TBC1D12: variants seen among roughly 807,000 people sequenced by gnomAD.
TBC1D12 encodes the protein TBC1 domain family, member 12.
Under a neutral mutation model 86.7 loss-of-function variants are expected in TBC1D12, and 56 were observed. The observed-to-expected ratio is 0.65, with a 90% CI of 0.52 to 0.81. The LOEUF is 0.81. Among genes scored for constraint, TBC1D12 ranks in the 30% least tolerant of loss-of-function variants. The probability of loss-of-function intolerance (pLI) is 0.00; values close to 1 mark genes in which losing one functional copy is unlikely to be tolerated. For synonymous variants in TBC1D12, 421 were observed against 411.7 expected, an observed-to-expected ratio of 1.02 and a Z score of -0.27; for missense variants, 1,023 against 1,038.8, an observed-to-expected ratio of 0.98 and a Z score of 0.21.
chr10:94,465,950 G>A (rs528762180), intron 2 of TBC1D12, among the ~76,000 whole-genome samples: 26 of 150,804 alleles, frequency 1.7e-4, no homozygotes, highest in African/African-American at 5.8e-4. Context: ...ATACGCGTAT[G>A]TATGTATATA....
In TBC1D12 at chr10:94,403,766, C is replaced by T. The variant is rs76066857; in HGVS notation, c.971+182C>T. Reference sequence around the variant, plus strand: ...GTCACTGGAGGAAGAGGAACTGGGTCGGCTTTGTGTTTCTATAGGAGAAGT... The same window carrying T: ...GTCACTGGAGGAAGAGGAACTGGGTTGGCTTTGTGTTTCTATAGGAGAAGT... On this transcript the variant is annotated intron_variant, in intron 1 of 12. Transcript: ENST00000225235. Among the ~76,000 whole-genome samples, 24 of 152,298 alleles carry T rather than the reference C, an allele frequency of 1.6e-4. No homozygotes were observed. In the East Asian group the frequency reaches 4.7e-3, roughly 30 times the overall value.
At chr10:94,431,187 G>A (rs543352465) in intron 1 of TBC1D12, among the ~76,000 whole-genome samples, 1 of 152,114 alleles carries the variant, frequency 6.6e-6, no homozygotes, top group Non-Finnish European at 1.5e-5. Context: ...TGCCGAGGTG[G>A]TTGGATCTCT....
At position 94,533,065 on chromosome 10, in the gene TBC1D12, A is replaced by G; in HGVS notation, c.2297A>G (p.Asp766Gly). 1 of 1,596,142 alleles carries G rather than the reference A, an allele frequency of 6.3e-7. No homozygotes were observed. The highest frequency in any genetic ancestry group is 8.5e-7 in the Non-Finnish European group (1 of 1,170,688). Residue 766 changes from aspartate to glycine, a missense_variant, in exon 13 of 13, where the codon GAC (aspartate) becomes GGC (glycine). Asp to Gly is a moderately conservative substitution (Grantham distance 94, BLOSUM62 -1). This residue lies in a region of TBC1D12 where 395 missense variants were observed against 507.7 expected (regional missense o/e 0.78). Coordinates refer to ENST00000225235, the MANE Select transcript of TBC1D12 (RefSeq NM_015188.2). ...ASVMKDIKEG[D>G]KNSSPALKS ...GTAATGAAGGATATTAAAGAAGGAG[A>G]CAAGAACAGTAGTCCTGCTTTGAAA...
intron 1 of TBC1D12, among the ~76,000 whole-genome samples, chr10:94,431,719 A>C (rs925774392): frequency 6.6e-6 from 1 of 152,236 alleles, no homozygotes; most frequent in Non-Finnish European, 1.5e-5. Context: ...TCAGCAAAAC[A>C]TTAACACAGC....
At chr10:94,521,071 C>T (rs1229749675) in intron 9 of TBC1D12, among the ~76,000 whole-genome samples, 1 of 151,292 alleles carries the variant, frequency 6.6e-6, no homozygotes, top group Non-Finnish European at 1.5e-5. Flanking sequence ...GCTGGACAGG[C>T]GTGGTGGTAC....
intron 5 of TBC1D12, among the ~76,000 whole-genome samples, 168 bp downstream of exon 5, chr10:94,497,340 A>C (rs1204089354): frequency 6.6e-6 from 1 of 151,182 alleles, no homozygotes; most frequent in South Asian, 2.1e-4. Context: ...CTGAGATCTC[A>C]TGTTTCTGAT....
At position 94,510,109 on chromosome 10, in the gene TBC1D12, G is replaced by A. The variant is rs528485236; in HGVS notation, c.1619G>A (p.Arg540Gln). The change falls in exon 8 of 13, where the codon CGA becomes CAA. Residue 540 changes from arginine (R) to glutamine (Q), a missense_variant. Coordinates refer to ENST00000225235, the MANE Select transcript of TBC1D12 (RefSeq NM_015188.2). ...AATGCAGGTGTATCTGTTGCTGATC[G>A]AGAGGCCAGTCTGGAATTAATTAAG... is the stretch of plus-strand genomic sequence containing the variant. ...NDTEGVSVAD[R>Q]EASLELIKLD... is the part of the protein sequence containing the mutation. 9 of 1,608,460 alleles carry A rather than the reference G, an allele frequency of 5.6e-6. 1 individual carries two copies. Among genetic ancestry groups the A allele is most frequent in the South Asian group, 5.6e-5 (5 of 89,660 alleles).
chr10:94,524,862 T>C (rs1204688547), intron 11 of TBC1D12, among the ~76,000 whole-genome samples: 1 of 152,130 alleles, frequency 6.6e-6, no homozygotes, highest in Non-Finnish European at 1.5e-5. Flanking sequence ...AGTCTAGTTC[T>C]GTTGCCCGGG....
chr10:94,458,789 T>C (rs1383166619), intron 2 of TBC1D12, among the ~76,000 whole-genome samples: 1 of 152,090 alleles, frequency 6.6e-6, no homozygotes, highest in Non-Finnish European at 1.5e-5. Context: ...CATCTGGAGT[T>C]GTTCGTACCT....
intron 3 of TBC1D12, among the ~76,000 whole-genome samples, chr10:94,477,121 A>G (rs1283883461): frequency 1.3e-5 from 2 of 152,168 alleles, no homozygotes; most frequent in African/African-American, 2.4e-5. Flanking sequence ...TGAACTATCT[A>G]TAGTTATATT....
intron 1 of TBC1D12, among the ~76,000 whole-genome samples, chr10:94,420,306 T>C (rs1032725928): frequency 6.6e-6 from 1 of 152,214 alleles, no homozygotes; most frequent in Non-Finnish European, 1.5e-5. Context: ...GATCTTAGAC[T>C]TCTCCATCTC....
At position 94,403,385 on chromosome 10, in the gene TBC1D12, G is replaced by A; in HGVS notation, c.772G>A (p.Gly258Arg). The A allele has an allele frequency of 6.5e-7, 1 of 1,544,422 alleles. No homozygotes were observed. The highest frequency in any genetic ancestry group is 8.7e-7 in the Non-Finnish European group (1 of 1,145,222). Reference sequence around the variant, plus strand: ...TGCCACCTCGGCCGAGAGGACTAATGGGGGTGCGGAGCCGCGCCTGGGCTT... The same window carrying A: ...TGCCACCTCGGCCGAGAGGACTAATAGGGGTGCGGAGCCGCGCCTGGGCTT... ...PPATSAERTN[G>R]GAEPRLGFSD... Residue 258 changes from glycine to arginine, a missense_variant, in exon 1 of 13, where the codon GGG becomes AGG. Physicochemically the swap from Gly to Arg is moderately radical, Grantham distance 125 (BLOSUM62 -2). This residue lies in a region of TBC1D12 where 628 missense variants were observed against 531.1 expected (regional missense o/e 1.18). Coordinates refer to ENST00000225235, the MANE Select transcript of TBC1D12 (RefSeq NM_015188.2).
In TBC1D12 at chr10:94,510,367, G is replaced by A. The variant is rs80340840; in HGVS notation, c.1689+188G>A. Among the ~76,000 whole-genome samples the A allele has an allele frequency of 3.2e-3, 482 of 152,214 alleles. 3 individuals are homozygous for A. The highest frequency in any genetic ancestry group is 0.01 in the African/African-American group (427 of 41,554). On this transcript the variant is annotated intron_variant, in intron 8 of 12. Transcript: ENST00000225235. ...TTTCTATTATTTTATTCCACTGACC[G>A]AAATACATTATAGTTAGCATAGCAT...
At chr10:94,484,047 A>G (rs752474501) in intron 3 of TBC1D12, among the ~76,000 whole-genome samples, 2 of 152,128 alleles carry the variant, frequency 1.3e-5, no homozygotes, top group Non-Finnish European at 2.9e-5. Flanking sequence ...GTTTTTTCTC[A>G]AATGTGTATT....
At chr10:94,419,593 C>T (rs763253195) in intron 1 of TBC1D12, among the ~76,000 whole-genome samples, 1 of 151,982 alleles carries the variant, frequency 6.6e-6, no homozygotes, top group East Asian at 1.9e-4. Flanking sequence ...TCCATGAATC[C>T]GGGAGGCAGA....
chr10:94,417,366 C>G (rs948081076), intron 1 of TBC1D12, among the ~76,000 whole-genome samples: 3 of 152,094 alleles, frequency 2.0e-5, no homozygotes, highest in African/African-American at 4.8e-5. Context: ...ATACCAGTAG[C>G]CTTTTTGTGA....
intron 3 of TBC1D12, among the ~76,000 whole-genome samples, chr10:94,482,953 A>C (rs1011895857): frequency 6.6e-6 from 1 of 151,290 alleles, no homozygotes; most frequent in African/African-American, 2.4e-5. Context: ...TTCCATTTCC[A>C]TCCATATTGT....
In TBC1D12 at chr10:94,437,876, A is replaced by G. The variant is rs75720291; in HGVS notation, c.972-4020A>G. On this transcript the variant is annotated intron_variant, in intron 1 of 12. Transcript: ENST00000225235. ...TCCAGAATTTGTTGTGTTGCTTATT[A>G]TAATTTCTGCCTTTACTGGTATTCT... Among the ~76,000 whole-genome samples the G allele has an allele frequency of 6.6e-3, 988 of 150,366 alleles. 14 individuals carry two copies. The highest frequency in any genetic ancestry group is 0.061 in the East Asian group (312 of 5,102).
At chr10:94,531,560 CT>C in intron 12 of TBC1D12, 100 bp downstream of exon 12, 1 of 1,257,926 alleles carries the variant, frequency 7.9e-7, no homozygotes, top group East Asian at 2.8e-5. Context: ...AAAAATATGT[CT>C]TTTAAAAATA....
Sources: allele counts gnomAD v4.1 joint callset (sites outside exome capture counted in the v4.1 genomes callset), GRCh38; gene constraint gnomAD v4.1.1; regional missense constraint gnomAD v4.1.1; transcripts MANE v1.5; gene names NCBI Gene and HGNC (gene_info 2026-07-23, HGNC 2026-07-21).